Variants in SORBS2 observed in about 807,000 individuals in gnomAD.
The protein encoded by SORBS2 is sorbin and SH3 domain containing 2.
Under a neutral mutation model 97.7 loss-of-function variants are expected in SORBS2, and 46 were observed. That is an observed-to-expected ratio of 0.47 (90% CI 0.37 to 0.60). SORBS2 has a LOEUF of 0.60. SORBS2 is among the 20% of genes least tolerant of loss of function. The pLI, the probability that SORBS2 is intolerant of heterozygous loss-of-function variation, is 0.00. For missense variants in SORBS2, 1,316 were observed against 1,282.3 expected (o/e 1.03, Z -0.40); for synonymous variants, 476 against 473.4 (o/e 1.01, Z -0.07).
chr4:185,600,688 C>T (rs546909205), intron 12 of SORBS2, among the ~76,000 whole-genome samples: 38 of 152,276 alleles, frequency 2.5e-4, no homozygotes, highest in African/African-American at 8.9e-4. Flanking sequence ...GTTCAAGATG[C>T]TCTCAAACCT....
intron 4 of SORBS2, among the ~76,000 whole-genome samples, chr4:185,637,628 G>T (rs189343172): frequency 3.5e-4 from 53 of 152,068 alleles, no homozygotes; most frequent in African/African-American, 1.3e-3. Context: ...CTTCTTCTTG[G>T]CGGGACATCA....
chr4:185,879,145 A>G (rs1312541291), intron 1 of SORBS2, among the ~76,000 whole-genome samples: 9 of 132,594 alleles, frequency 6.8e-5, no homozygotes, highest in Non-Finnish European at 1.3e-4. Flanking sequence ...TACATTAGGT[A>G]TATCTCCTAA....
chr4:185,768,225 C>T (rs2098947997), intron 2 of SORBS2, among the ~76,000 whole-genome samples: 2 of 152,144 alleles, frequency 1.3e-5, no homozygotes, highest in Admixed American at 1.3e-4. Context: ...ACAGTACGTA[C>T]AAGGCTTGGT....
intron 4 of SORBS2, among the ~76,000 whole-genome samples, chr4:185,631,788 AAAAAACAAAAC>A (rs1281517682): frequency 1.4e-3 from 102 of 75,154 alleles, no homozygotes; most frequent in South Asian, 3.6e-3. Flanking sequence ...AAAAACAACA[AAAAAACAAAAC>A]AAAACAAAAC....
At chr4:185,875,191 G>A (rs1482079481) in intron 1 of SORBS2, among the ~76,000 whole-genome samples, 1 of 152,152 alleles carries the variant, frequency 6.6e-6, no homozygotes, top group Admixed American at 6.5e-5. Flanking sequence ...ATATCTATTG[G>A]ATGACATAGT....
At chr4:185,847,554 G>A (rs911431753) in intron 1 of SORBS2, among the ~76,000 whole-genome samples, 1 of 152,104 alleles carries the variant, frequency 6.6e-6, no homozygotes, top group African/African-American at 2.4e-5. Flanking sequence ...CCTCCCAACT[G>A]CAGCAAGTCC....
rs147728203 is a variant in SORBS2 at position 185,635,702 on chromosome 4, A to G, written c.397-5104T>C. On this transcript the variant is annotated intron_variant, in intron 4 of 14. Coordinates refer to ENST00000418609, the Ensembl canonical transcript of SORBS2. ...TAGCACTCCTAGTCTCTGGCCACAG[A>G]GGAATGCAAGGTAAATTAAAGAAAC... Among the ~76,000 whole-genome samples the G allele has an allele frequency of 3.3e-3, 500 of 152,338 alleles. 2 individuals carry two copies. Among genetic ancestry groups the G allele is most frequent in the Admixed American group, 4.8e-3 (74 of 15,302 alleles).
At chr4:185,863,307 A>G (rs1483618506) in intron 1 of SORBS2, among the ~76,000 whole-genome samples, 2 of 152,192 alleles carry the variant, frequency 1.3e-5, no homozygotes, top group Non-Finnish European at 2.9e-5. Flanking sequence ...TGAAAAAGAG[A>G]TAAAAATGAT....
At chr4:185,864,648 C>T (rs941620506) in intron 1 of SORBS2, among the ~76,000 whole-genome samples, 5 of 152,160 alleles carry the variant, frequency 3.3e-5, no homozygotes, top group South Asian at 2.1e-4. Context: ...CGGTGGCTCA[C>T]GCCTATAATC....
At chr4:185,703,832 C>T (rs1015050679) in intron 2 of SORBS2, among the ~76,000 whole-genome samples, 2 of 152,128 alleles carry the variant, frequency 1.3e-5, no homozygotes, top group African/African-American at 2.4e-5. Context: ...ATAATTGTAT[C>T]ATTAACTTCA....
intron 1 of SORBS2, among the ~76,000 whole-genome samples, chr4:185,840,233 C>T (rs191161535): frequency 2.2e-4 from 34 of 152,206 alleles, no homozygotes; most frequent in African/African-American, 6.7e-4. Flanking sequence ...TCAATTTTCC[C>T]GTGTTATGGA....
rs537155170 is a variant in SORBS2, at chr4:185,720,198, C to T, written c.-197-41376G>A. Among the ~76,000 whole-genome samples the T allele has an allele frequency of 7.9e-5, 12 of 152,348 alleles. No homozygotes were observed. The East Asian group carries it at 1.9e-3, about 24-fold the overall frequency. On this transcript the variant is annotated intron_variant, in intron 2 of 20. Transcript: ENST00000284776. Reference sequence around the variant, plus strand: ...AGCCTCCGTACTAGCCTTGCACCACCAATCTGTACTTTTACATGAGTGAGC... The same window carrying T: ...AGCCTCCGTACTAGCCTTGCACCACTAATCTGTACTTTTACATGAGTGAGC...
chr4:185,606,088 A>T lies in SORBS2; in HGVS notation c.2796+5692T>A. 1 of 985,246 alleles carries T rather than the reference A, an allele frequency of 1.0e-6. No homozygotes were observed. Among genetic ancestry groups the T allele is most frequent in the Non-Finnish European group, 1.2e-6 (1 of 829,788 alleles). The allele number at this position is 985,246 out of a possible 1,614,324, so 61.0% of individuals were successfully genotyped here. ...TCTGTTGTCTTTGTTTATTATTAGC[A>T]TTATTATTTTTGCAAAGTGCCGTTA... On this transcript the variant is annotated intron_variant, in intron 12 of 14. Transcript: ENST00000418609. This position sits in a 1 kb window ranked among gnomAD's most constrained non-coding sequence, Gnocchi z 4.3.
intron 1 of SORBS2, among the ~76,000 whole-genome samples, chr4:185,656,234 T>C (rs1278234727): frequency 1.3e-5 from 2 of 152,210 alleles, no homozygotes; most frequent in Non-Finnish European, 2.9e-5. Flanking sequence ...TTCCTCAATC[T>C]AAAGAGTCTA....
intron 1 of SORBS2, among the ~76,000 whole-genome samples, chr4:185,840,174 A>G (rs894656461): frequency 9.2e-5 from 14 of 152,212 alleles, no homozygotes; most frequent in Admixed American, 9.2e-4. Flanking sequence ...TTTGTGGATG[A>G]ACAGGGGTTG....
At chr4:185,793,069 A>G (rs971025959) in intron 1 of SORBS2, among the ~76,000 whole-genome samples, 3 of 152,226 alleles carry the variant, frequency 2.0e-5, no homozygotes, top group Non-Finnish European at 4.4e-5. Context: ...GGTGGCCATT[A>G]TTATTATTTA....
intron 1 of SORBS2, among the ~76,000 whole-genome samples, chr4:185,840,169 G>T (rs1376945901): frequency 6.6e-6 from 1 of 152,144 alleles, no homozygotes; most frequent in Non-Finnish European, 1.5e-5. Context: ...GGTCATTTGT[G>T]GATGAACAGG....
rs535695706 is a variant in SORBS2 at position 185,923,472 on chromosome 4, A to ATTT, written c.-338+32721_-338+32723dup. On this transcript the variant is annotated intron_variant, in intron 1 of 20. Transcript: ENST00000284776. ...TGCTTGGCTAAGTTTCTTTTTTTTA[A>ATTT]TTTTTTTTTTTTGTAGAGACAGGAC... Among the ~76,000 whole-genome samples, 24 of 110,478 alleles carry ATTT rather than the reference A, an allele frequency of 2.2e-4. 1 individual carries two copies. The South Asian group carries it at 2.3e-3, about 11-fold the overall frequency. 72.5% of individuals were successfully genotyped at this position (110,478 alleles called of 152,430 possible). A position where few individuals can be genotyped will look rare whatever the true frequency, so the allele number is the denominator to read the frequency against.
chr4:185,600,835 C>A (rs1054489579), intron 12 of SORBS2, among the ~76,000 whole-genome samples: 6 of 151,780 alleles, frequency 4.0e-5, no homozygotes, highest in Non-Finnish European at 8.8e-5. Flanking sequence ...GAAAATAAGG[C>A]CTTTTTGGGG....
Sources: gnomAD v4.1 joint callset for allele counts (sites outside exome capture counted in the v4.1 genomes callset) on GRCh38, gnomAD v4.1.1 for gene constraint, Gnocchi (gnomAD v3.1) non-coding constraint, MANE v1.5 for transcripts, NCBI Gene and HGNC (gene_info 2026-07-23, HGNC 2026-07-21) for gene names.